Variants in C9 observed in about 807,000 individuals in gnomAD.
C9 encodes complement C9.
A neutral mutation model predicts 65.4 loss-of-function variants in C9; 63 were observed. The ratio of observed to expected loss-of-function variants is 0.96; its 90% CI spans 0.79 to 1.19. The LOEUF is 1.19. Ranked by LOEUF, C9 falls within the 50% of genes most tolerant of loss-of-function variation. C9 has a pLI of 0.00. For synonymous variants in C9, 229 were observed against 227.9 expected (o/e 1.00, Z -0.04); for missense variants, 744 against 670.1 (o/e 1.11, Z -1.22).
At chr5:39,327,582 G>T (rs1753770111) in intron 5 of C9, among the ~76,000 whole-genome samples, 1 of 152,152 alleles carries the variant, frequency 6.6e-6, no homozygotes, top group Non-Finnish European at 1.5e-5. Context: ...GAATTCAAGA[G>T]CAAGAAGCAG....
At chr5:39,363,460 G>A (rs1754556846) in intron 1 of C9, among the ~76,000 whole-genome samples, 1 of 152,214 alleles carries the variant, frequency 6.6e-6, no homozygotes, top group Non-Finnish European at 1.5e-5. Context: ...CAGCATTTGG[G>A]TAAACCAAGA....
intron 9 of C9, among the ~76,000 whole-genome samples, chr5:39,302,128 G>C (rs80191012): frequency 0.012 from 1,752 of 152,194 alleles, 40 homozygotes; most frequent in African/African-American, 0.04. Flanking sequence ...AATGGCAATA[G>C]TTTCAGAGGA....
intron 10 of C9, among the ~76,000 whole-genome samples, chr5:39,287,522 T>C (rs1753012304): frequency 6.6e-6 from 1 of 151,982 alleles, no homozygotes; most frequent in Non-Finnish European, 1.5e-5. Flanking sequence ...TGATGTGCAA[T>C]AGCACATATT....
chr5:39,307,887 G>A (rs928968803), intron 8 of C9, among the ~76,000 whole-genome samples: 12 of 152,078 alleles, frequency 7.9e-5, no homozygotes, highest in Admixed American at 3.9e-4. Context: ...GAACATTGTC[G>A]CTTGCTTATT....
At chr5:39,312,047 G>A (rs1252461339) in intron 6 of C9, among the ~76,000 whole-genome samples, 1 of 152,028 alleles carries the variant, frequency 6.6e-6, no homozygotes, top group African/African-American at 2.4e-5. Flanking sequence ...AACGGAAAAG[G>A]GCATAAGGAA....
chr5:39,336,829 C>G (rs558816058), intron 4 of C9, among the ~76,000 whole-genome samples: 18 of 152,112 alleles, frequency 1.2e-4, no homozygotes, highest in South Asian at 4.3e-4. Context: ...AAAGAGATCC[C>G]ATAGTTAGTG....
chr5:39,284,445 G>GT lies in C9; in HGVS notation c.*753dup, dbSNP rs1242274142. ...TTAAGTTGGACTATATAAAATTGAT[G>GT]TTTTTTCTTGTAAAATATGATCAAA... On this transcript the variant is annotated 3_prime_UTR_variant, in exon 11 of 11. Transcript: ENST00000263408. 3 of 152,012 alleles carry GT rather than the reference G, an allele frequency of 2.0e-5. No homozygotes were observed. The highest frequency in any genetic ancestry group is 4.8e-5 in the African/African-American group (2 of 41,378). The allele number at this position is 152,012 out of a possible 1,614,324, so 9.4% of individuals were successfully genotyped here.
intron 1 of C9, among the ~76,000 whole-genome samples, chr5:39,343,242 G>A (rs372043279): frequency 1.4e-4 from 22 of 152,298 alleles, no homozygotes; most frequent in South Asian, 4.1e-4. Flanking sequence ...CGCCTCACCC[G>A]GGAAGTGCAA....
intron 5 of C9, among the ~76,000 whole-genome samples, chr5:39,324,422 T>C (rs1753715909): frequency 6.6e-6 from 1 of 152,156 alleles, no homozygotes; most frequent in Non-Finnish European, 1.5e-5. Flanking sequence ...GTGTAATTTG[T>C]AGGCACCTGC....
chr5:39,291,190 G>A (rs1390947366), intron 9 of C9, among the ~76,000 whole-genome samples: 4 of 151,800 alleles, frequency 2.6e-5, no homozygotes, highest in Non-Finnish European at 5.9e-5. Flanking sequence ...CCAACTGTTT[G>A]CATAAACAGG....
intron 6 of C9, among the ~76,000 whole-genome samples, chr5:39,315,549 T>A (rs537013652): frequency 6.6e-6 from 1 of 152,292 alleles, no homozygotes; most frequent in African/African-American, 2.4e-5. Context: ...AAATTCTTAA[T>A]ACGCATTTTC....
intron 1 of C9, among the ~76,000 whole-genome samples, chr5:39,345,085 C>T (rs1170139963): frequency 1.3e-5 from 2 of 151,860 alleles, no homozygotes; most frequent in South Asian, 2.1e-4. Flanking sequence ...TTGTAAAGAT[C>T]ATCAATGCCA....
chr5:39,345,522 G>A (rs972491753), intron 1 of C9, among the ~76,000 whole-genome samples: 15 of 151,928 alleles, frequency 9.9e-5, no homozygotes, highest in African/African-American at 3.6e-4. Flanking sequence ...GATTCATAAG[G>A]CAAGTCCTTA....
intron 1 of C9, among the ~76,000 whole-genome samples, chr5:39,357,557 AT>A (rs36034580): frequency 0.34 from 52,344 of 152,048 alleles, 9,453 homozygotes; most frequent in Middle Eastern, 0.47. Flanking sequence ...AGTGGGTGAG[AT>A]ATAATAAGCA....
In C9 at chr5:39,311,350, C is replaced by A. The variant is rs2111887398; in HGVS notation, c.898G>T (p.Glu300Ter). 4 of 1,612,762 alleles carry A rather than the reference C, an allele frequency of 2.5e-6. No individual in the cohort carries two copies. Among genetic ancestry groups the A allele is most frequent in the Non-Finnish European group, 3.4e-6 (4 of 1,179,120 alleles). The change falls in exon 7 of 11, where the codon GAA (glutamate) becomes TAA (stop). Residue 300 changes from glutamate to a stop codon, truncating the protein, a stop_gained. Coordinates refer to ENST00000263408, the MANE Select transcript of C9 (RefSeq NM_001737.5). LOFTEE classifies it high-confidence loss of function. Reference sequence around the variant, plus strand: ...ATTACAAATCTTCCCAGATGAATTTCTCCTTTCACATGCAGAAACATTTTT... The same window carrying A: ...ATTACAAATCTTCCCAGATGAATTTATCCTTTCACATGCAGAAACATTTTT... Reference protein sequence around the residue: ...KEKMFLHVKGEIHLGRFVMRN... With the variant: ...KEKMFLHVKG
rs574566122 is a variant in C9, at chr5:39,326,516, T to C, written c.615+5160A>G. ...TTCCACAAAACACAAAGTTCTAAAA[T>C]GAAACTCTCAGGGTTTTGCTCTCCG... On this transcript the variant is annotated intron_variant, in intron 5 of 10. Coordinates refer to ENST00000263408, the MANE Select transcript of C9 (RefSeq NM_001737.5). 2.6e-5 allele frequency among the ~76,000 whole-genome samples: 4 copies of C among 152,318 alleles called. No individual in the cohort carries two copies. In the East Asian group the frequency reaches 5.8e-4, roughly 22 times the overall value.
intron 7 of C9, 66 bp from the exon 8 acceptor site, chr5:39,308,424 T>G: frequency 7.4e-7 from 1 of 1,343,482 alleles, no homozygotes; most frequent in Middle Eastern, 1.8e-4. Context: ...AAATTCCAAT[T>G]TTGCTATTTT....
chr5:39,352,610 A>G (rs1420091446), intron 1 of C9, among the ~76,000 whole-genome samples: 1 of 152,196 alleles, frequency 6.6e-6, no homozygotes. Context: ...TTGCTGTTAC[A>G]GTCTTGTAAA....
At chr5:39,333,571 C>T (rs1342956263) in intron 4 of C9, among the ~76,000 whole-genome samples, 1 of 145,920 alleles carries the variant, frequency 6.9e-6, no homozygotes, top group Non-Finnish European at 1.5e-5. Context: ...TCTCCCTCTC[C>T]CTCTCCCTCT....
Sources: gnomAD v4.1 joint callset for allele counts (sites outside exome capture counted in the v4.1 genomes callset) on GRCh38, gnomAD v4.1.1 for gene constraint, MANE v1.5 for transcripts, NCBI Gene and HGNC (gene_info 2026-07-23, HGNC 2026-07-21) for gene names.